Variants in TJAP1 observed in about 807,000 individuals in gnomAD.
TJAP1 encodes tight junction associated protein 1.
A neutral mutation model predicts 42.0 loss-of-function variants in TJAP1; 27 were observed. That is an observed-to-expected ratio of 0.64 (90% CI 0.47 to 0.89). The LOEUF (loss-of-function observed/expected upper bound fraction) is 0.89. Ranked by LOEUF, TJAP1 falls within the 40% of genes least tolerant of loss-of-function variation. The pLI, the probability that TJAP1 is intolerant of heterozygous loss-of-function variation, is 0.00. For missense variants in TJAP1, 712 were observed against 726.9 expected (o/e 0.98, Z 0.24); for synonymous variants, 257 against 288.4 (o/e 0.89, Z 1.10).
At chr6:43,486,589 C>T (rs1297697102) in intron 2 of TJAP1, among the ~76,000 whole-genome samples, 1 of 151,600 alleles carries the variant, frequency 6.6e-6, no homozygotes, top group Non-Finnish European at 1.5e-5. Context: ...CTCCTGACCT[C>T]AGGTGATCCA....
chr6:43,505,204 C>A lies in TJAP1; in HGVS notation c.1023C>A (p.Ile341=), dbSNP rs1792033034. ...AGTTCTCTGAGGATAAGGTTCGGATCCCCCGCAACAGCCCCCTGCCCAACT... is the reference window on the plus strand; with the variant it reads ...AGTTCTCTGAGGATAAGGTTCGGATACCCCGCAACAGCCCCCTGCCCAACT... Residue 341 remains isoleucine (I), a synonymous_variant, in exon 11 of 11, where the codon ATC becomes ATA. Transcript: ENST00000372449. The surrounding 1 kb of genome is among the most constrained non-coding windows in gnomAD (Gnocchi z 5.5). 1.9e-6 allele frequency: 3 copies of A among 1,614,158 alleles called. No homozygotes were observed. The highest frequency in any genetic ancestry group is 1.7e-5 in the Admixed American group (1 of 60,024).
chr6:43,505,223 C>T lies in TJAP1; in HGVS notation c.1042C>T (p.Pro348Ser). 1 of 1,614,190 alleles carries T rather than the reference C, an allele frequency of 6.2e-7. No homozygotes were observed. The highest frequency in any genetic ancestry group is 1.1e-5 in the South Asian group (1 of 91,082). Residue 348 changes from proline to serine, a missense_variant, in exon 11 of 11, where the codon CCC becomes TCC. Pro to Ser is a moderately conservative substitution (Grantham distance 74, BLOSUM62 -1). Around this residue, in one of 3 missense-constraint regions of TJAP1, gnomAD observed 549 missense variants for 528.2 expected, o/e 1.04. Coordinates refer to ENST00000372449, the Ensembl canonical transcript of TJAP1. The surrounding 1 kb of genome is among the most constrained non-coding windows in gnomAD (Gnocchi z 5.5). Reference sequence around the variant, plus strand: ...TCGGATCCCCCGCAACAGCCCCCTGCCCAACTGCACTTACGCTACCCGCCA... The same window carrying T: ...TCGGATCCCCCGCAACAGCCCCCTGTCCAACTGCACTTACGCTACCCGCCA...
chr6:43,487,563 C>CA (rs1357053942), intron 2 of TJAP1, among the ~76,000 whole-genome samples: 3 of 152,038 alleles, frequency 2.0e-5, no homozygotes, highest in Non-Finnish European at 2.9e-5. Flanking sequence ...TTCTGACCCT[C>CA]ACAATGGGAG....
intron 3 of TJAP1, among the ~76,000 whole-genome samples, chr6:43,498,375 AC>A (rs1789714092): frequency 6.6e-6 from 1 of 152,138 alleles, no homozygotes; most frequent in African/African-American, 2.4e-5. Flanking sequence ...AGCCTGGGCA[AC>A]AAAGTGAGAC....
At chr6:43,503,258 T>G in intron 8 of TJAP1, 143 bp from the exon 9 acceptor site, 1 of 649,322 alleles carries the variant, frequency 1.5e-6, no homozygotes, top group Non-Finnish European at 2.8e-6. Flanking sequence ...TCTCCTTCTG[T>G]CTGTCCGTCA....
At chr6:43,482,406 A>G (rs1364767781) in intron 2 of TJAP1, among the ~76,000 whole-genome samples, 1 of 152,102 alleles carries the variant, frequency 6.6e-6, no homozygotes, top group Non-Finnish European at 1.5e-5. Context: ...AGGAACCTTC[A>G]TTTCTCACCT....
chr6:43,497,723 C>T (rs1789534246), intron 2 of TJAP1, 158 bp from the exon 3 acceptor site: 1 of 152,320 alleles, frequency 6.6e-6, no homozygotes. Context: ...AGTCATCTGC[C>T]TCCAGCCGCT....
chr6:43,491,348 T>C lies in TJAP1; in HGVS notation c.-121-6533T>C, dbSNP rs926795675. 6.6e-6 allele frequency among the ~76,000 whole-genome samples: 1 copy of C among 152,154 alleles called. No homozygotes were observed. The highest frequency in any genetic ancestry group is 2.4e-5 in the African/African-American group (1 of 41,424). ...TCTTGTTGCCCAGGCTGGAGTGCAA[T>C]GGCACGATCTCGGCTTTCTGCAACC... On this transcript the variant is annotated intron_variant, in intron 2 of 10. Transcript: ENST00000372449. This position sits in a 1 kb window ranked among gnomAD's most constrained non-coding sequence, Gnocchi z 4.6.
intron 10 of TJAP1, 162 bp downstream of exon 10, chr6:43,503,868 G>A (rs1358184157): frequency 1.4e-6 from 1 of 732,886 alleles, no homozygotes; most frequent in African/African-American, 1.7e-5. Context: ...CCACTGGTTG[G>A]TGTCCCGTGT....
At chr6:43,486,274 A>G (rs1438793059) in intron 2 of TJAP1, among the ~76,000 whole-genome samples, 1 of 148,816 alleles carries the variant, frequency 6.7e-6, no homozygotes, top group East Asian at 2.0e-4. Flanking sequence ...CAGACGGTTT[A>G]TGTTCTAATA....
intron 4 of TJAP1, among the ~76,000 whole-genome samples, chr6:43,499,959 G>C (rs1246798380): frequency 6.6e-6 from 1 of 152,246 alleles, no homozygotes; most frequent in Non-Finnish European, 1.5e-5. Flanking sequence ...TCGGTGAGGT[G>C]AAGGCTGTAT....
intron 3 of TJAP1, 26 bp from the exon 4 acceptor site, chr6:43,498,952 C>A: frequency 6.2e-7 from 1 of 1,606,000 alleles, no homozygotes; most frequent in Non-Finnish European, 8.5e-7. Flanking sequence ...CATCTCTGAG[C>A]CTGCCTCCTT....
chr6:43,493,599 G>A (rs760182032), intron 2 of TJAP1, among the ~76,000 whole-genome samples: 2 of 152,194 alleles, frequency 1.3e-5, no homozygotes, highest in Non-Finnish European at 2.9e-5. Flanking sequence ...AAGGATGGAT[G>A]CTTGAACCTC....
At position 43,481,686 on chromosome 6, in the gene TJAP1, A is replaced by G. The variant is rs573157342; in HGVS notation, c.-122+3454A>G. On this transcript the variant is annotated intron_variant, in intron 2 of 10. Coordinates refer to ENST00000372449, the Ensembl canonical transcript of TJAP1. ...TGCTGAAGCCTATGTTGTTTGAAGA[A>G]GGCCCTGGCAGCGGTGCTCAGTCTC... 5.3e-5 allele frequency among the ~76,000 whole-genome samples: 8 copies of G among 152,144 alleles called. No homozygotes were observed. In the East Asian group the frequency reaches 1.5e-3, roughly 29 times the overall value.
chr6:43,484,920 G>T (rs949044280), intron 2 of TJAP1, among the ~76,000 whole-genome samples: 2 of 152,348 alleles, frequency 1.3e-5, no homozygotes, highest in Admixed American at 1.3e-4. Context: ...TGGAGGCGGG[G>T]TTTTACCAAG....
Position 43,505,239 on chromosome 6 carries a change from CTACCCGCCAGGCCAT to C in TJAP1, c.1060_1074del (p.Thr354_Ile358del). 6.2e-7 allele frequency: 1 copy of C among 1,614,070 alleles called. No individual in the cohort carries two copies. The highest frequency in any genetic ancestry group is 8.5e-7 in the Non-Finnish European group (1 of 1,179,990). On this transcript the variant is annotated inframe_deletion, in exon 11 of 11. Coordinates refer to ENST00000372449, the Ensembl canonical transcript of TJAP1. The surrounding 1 kb of genome is among the most constrained non-coding windows in gnomAD (Gnocchi z 5.5). ...AGCCCCCTGCCCAACTGCACTTACG[CTACCCGCCAGGCCAT>C]TTCCCTGAGCCTGGTAGAGGAGGGG...
At chr6:43,503,583 G>A in intron 9 of TJAP1, 40 bp from the exon 10 acceptor site, 1 of 1,612,344 alleles carries the variant, frequency 6.2e-7, no homozygotes, top group Non-Finnish European at 8.5e-7. Context: ...CTTCCTTGGA[G>A]AGGGCTGGGC....
At chr6:43,486,716 C>G (rs1786617646) in intron 2 of TJAP1, among the ~76,000 whole-genome samples, 1 of 152,072 alleles carries the variant, frequency 6.6e-6, no homozygotes, top group Non-Finnish European at 1.5e-5. Flanking sequence ...CTGCTGGCTG[C>G]TCCTTTGTAA....
chr6:43,487,076 G>A (rs1398930721), intron 2 of TJAP1, among the ~76,000 whole-genome samples: 1 of 152,212 alleles, frequency 6.6e-6, no homozygotes. Context: ...AGGGGACTAA[G>A]TCTCCTTGAC....
Sources: gnomAD v4.1 joint callset for allele counts (sites outside exome capture counted in the v4.1 genomes callset) on GRCh38, gnomAD v4.1.1 for gene constraint, gnomAD v4.1.1 regional missense constraint, Gnocchi (gnomAD v3.1) non-coding constraint, MANE v1.5 for transcripts, NCBI Gene and HGNC (gene_info 2026-07-23, HGNC 2026-07-21) for gene names.